The following TBC1D19 variants were observed in gnomAD, a reference collection of about 807,000 sequenced individuals.
TBC1D19 encodes the protein TBC1 domain family, member 19.
TBC1D19 carries 60 observed loss-of-function variants against 89.0 expected under a neutral mutation model. The ratio of observed to expected loss-of-function variants is 0.67; its 90% CI spans 0.55 to 0.84. The LOEUF is 0.84. Ranked by LOEUF, TBC1D19 falls within the 40% of genes least tolerant of loss-of-function variation. The pLI is 0.00. For synonymous variants in TBC1D19, 189 were observed against 199.7 expected, an observed-to-expected ratio of 0.95 and a Z score of 0.45; for missense variants, 500 against 610.8, an observed-to-expected ratio of 0.82 and a Z score of 1.91.
the TBC1D19 span, among the ~76,000 whole-genome samples, chr4:26,845,905 T>G: frequency 6.6e-6 from 1 of 152,158 alleles, no homozygotes; most frequent in African/African-American, 2.4e-5. Flanking sequence ...CCACCAAGTC[T>G]CTCCCATAAC....
intron 7 of TBC1D19, among the ~76,000 whole-genome samples, chr4:26,652,959 T>A (rs187127005): frequency 0.011 from 1,715 of 152,308 alleles, 37 homozygotes; most frequent in African/African-American, 0.04. Flanking sequence ...ATTGTGATGT[T>A]AGGGTGTCAA....
the TBC1D19 span, among the ~76,000 whole-genome samples, chr4:26,830,055 C>T: frequency 3.3e-5 from 5 of 152,086 alleles, no homozygotes; most frequent in Admixed American, 6.5e-5. Flanking sequence ...TCCATTCCAT[C>T]GGGTTATGGT....
chr4:26,671,421 T>A (rs1000612086), intron 9 of TBC1D19, among the ~76,000 whole-genome samples: 1 of 151,850 alleles, frequency 6.6e-6, no homozygotes, highest in African/African-American at 2.4e-5. Context: ...TTATATATTC[T>A]GAATAGGAGT....
At chr4:26,632,531 A>C (rs1471443179) in intron 4 of TBC1D19, among the ~76,000 whole-genome samples, 1 of 152,010 alleles carries the variant, frequency 6.6e-6, no homozygotes, top group East Asian at 1.9e-4. Context: ...GAGTAGGCTG[A>C]GGAGGAGGAG....
chr4:26,619,340 G>A (rs932939103), intron 3 of TBC1D19, among the ~76,000 whole-genome samples: 1 of 152,006 alleles, frequency 6.6e-6, no homozygotes, highest in Admixed American at 6.6e-5. Context: ...CAGTAGCTGG[G>A]ACTATAGGCA....
At chr4:26,816,596 A>G in the TBC1D19 span, among the ~76,000 whole-genome samples, 1 of 152,220 alleles carries the variant, frequency 6.6e-6, no homozygotes, top group Non-Finnish European at 1.5e-5. Flanking sequence ...GTGATAAACC[A>G]ACACCAGGTA....
At chr4:26,774,022 C>T in the TBC1D19 span, among the ~76,000 whole-genome samples, 133 of 152,266 alleles carry the variant, frequency 8.7e-4, no homozygotes, top group South Asian at 4.6e-3. Context: ...TGCTTTTCTC[C>T]GCATTAACCC....
At chr4:26,670,181 A>G (rs1048942369) in intron 9 of TBC1D19, among the ~76,000 whole-genome samples, 106 of 151,230 alleles carry the variant, frequency 7.0e-4, no homozygotes, top group African/African-American at 2.5e-3. Context: ...ATGAAACTGT[A>G]TTGTTACTAT....
At chr4:26,793,722 CAAAAAAAAAA>C in the TBC1D19 span, among the ~76,000 whole-genome samples, 57 of 78,986 alleles carry the variant, frequency 7.2e-4, no homozygotes, top group Admixed American at 4.7e-3. Flanking sequence ...GACTTCGTCT[CAAAAAAAAAA>C]AAAAAAAAAA....
intron 15 of TBC1D19, among the ~76,000 whole-genome samples, chr4:26,734,925 C>CATATGTGT (rs1717879568): frequency 2.7e-5 from 4 of 150,416 alleles, no homozygotes; most frequent in African/African-American, 9.8e-5. Flanking sequence ...TGTACATACA[C>CATATGTGT]ATATATGTGT....
intron 9 of TBC1D19, among the ~76,000 whole-genome samples, chr4:26,669,019 A>G (rs1302633027): frequency 6.7e-6 from 1 of 148,982 alleles, no homozygotes; most frequent in Non-Finnish European, 1.5e-5. Context: ...ACACACACAC[A>G]CATTTACTAT....
At chr4:26,771,379 T>C in the TBC1D19 span, among the ~76,000 whole-genome samples, 1 of 152,158 alleles carries the variant, frequency 6.6e-6, no homozygotes, top group Admixed American at 6.5e-5. Flanking sequence ...TCAAGGAGAT[T>C]TGAACACATG....
the TBC1D19 span, among the ~76,000 whole-genome samples, chr4:26,804,524 G>A: frequency 6.6e-6 from 1 of 152,202 alleles, no homozygotes; most frequent in Non-Finnish European, 1.5e-5. Context: ...GTGGCCCCTC[G>A]CTAGCCTTTC....
chr4:26,702,869 C>T (rs1399568587), intron 13 of TBC1D19, among the ~76,000 whole-genome samples: 1 of 152,194 alleles, frequency 6.6e-6, no homozygotes, highest in Non-Finnish European at 1.5e-5. Flanking sequence ...CCATATTCCC[C>T]CTGCCCCCGG....
intron 11 of TBC1D19, among the ~76,000 whole-genome samples, 192 bp from the exon 12 acceptor site, chr4:26,683,483 A>G (rs13146364): frequency 0.38 from 57,403 of 152,060 alleles, 11,837 homozygotes; most frequent in Non-Finnish European, 0.47. Context: ...CAGGTGCCAG[A>G]TGTTATCCTA....
chr4:26,658,204 A>T (rs377214699), intron 7 of TBC1D19, among the ~76,000 whole-genome samples: 11 of 152,022 alleles, frequency 7.2e-5, no homozygotes, highest in East Asian at 3.8e-4. Flanking sequence ...TTCTTCTAGG[A>T]TTCCTATAGT....
the TBC1D19 span, among the ~76,000 whole-genome samples, chr4:26,854,057 C>T: frequency 5.9e-5 from 9 of 152,252 alleles, no homozygotes; most frequent in South Asian, 6.2e-4. Context: ...TCAAGACAAA[C>T]GCCTGATTTT....
At chr4:26,743,856 A>G (rs1718505916) in intron 18 of TBC1D19, among the ~76,000 whole-genome samples, 1 of 151,648 alleles carries the variant, frequency 6.6e-6, no homozygotes, top group Admixed American at 6.6e-5. Flanking sequence ...CTTTACTAGG[A>G]TGAAGACATT....
At chr4:26,834,075 G>A in the TBC1D19 span, among the ~76,000 whole-genome samples, 2 of 152,154 alleles carry the variant, frequency 1.3e-5, no homozygotes, top group Admixed American at 1.3e-4. Flanking sequence ...GTTTATAAGT[G>A]TATGGCCCCT....
Sources: allele counts gnomAD v4.1 joint callset (sites outside exome capture counted in the v4.1 genomes callset), GRCh38; gene constraint gnomAD v4.1.1; transcripts MANE v1.5; gene names NCBI Gene and HGNC (gene_info 2026-07-23, HGNC 2026-07-21).